The following VPS41 variants were observed in gnomAD, a reference collection of about 807,000 sequenced individuals.
VPS41 encodes the protein vacuolar protein sorting-associated protein 41 homolog.
A neutral mutation model predicts 130.9 loss-of-function variants in VPS41; 85 were observed. That is an observed-to-expected ratio of 0.65 (90% CI 0.55 to 0.78). The LOEUF (loss-of-function observed/expected upper bound fraction) is 0.78, where lower values mean the gene tolerates loss of function less well. VPS41 is among the 30% of genes least tolerant of loss of function. The pLI is 0.00. For synonymous variants in VPS41, 335 were observed against 332.9 expected, an observed-to-expected ratio of 1.01 and a Z score of -0.07; for missense variants, 874 against 1,018.7, an observed-to-expected ratio of 0.86 and a Z score of 1.93.
chr7:38,778,261 T>C (rs1228326227), intron 10 of VPS41, among the ~76,000 whole-genome samples: 2 of 152,166 alleles, frequency 1.3e-5, no homozygotes, highest in Non-Finnish European at 2.9e-5. Context: ...AGAATAGTTT[T>C]GGTAAAGTGG....
intron 2 of VPS41, among the ~76,000 whole-genome samples, chr7:38,893,611 T>G (rs1285490867): frequency 6.6e-6 from 1 of 152,192 alleles, no homozygotes; most frequent in Non-Finnish European, 1.5e-5. Flanking sequence ...TTTCAAAACA[T>G]CCACGCTGGA....
chr7:38,727,034 A>T (rs779741897), intron 27 of VPS41, 46 bp from the exon 28 acceptor site: 2 of 1,454,612 alleles, frequency 1.4e-6, no homozygotes, highest in Non-Finnish European at 9.1e-7. Flanking sequence ...TGCAACAAGC[A>T]AGATCATTTT....
At chr7:38,798,767 A>G (rs1388824874) in intron 7 of VPS41, among the ~76,000 whole-genome samples, 1 of 152,168 alleles carries the variant, frequency 6.6e-6, no homozygotes, top group Non-Finnish European at 1.5e-5. Flanking sequence ...GGGACACAGC[A>G]TCGAATTCCT....
intron 13 of VPS41, 105 bp downstream of exon 13, chr7:38,772,417 A>C: frequency 1.3e-6 from 1 of 766,520 alleles, no homozygotes; most frequent in South Asian, 2.4e-5. Context: ...TTGGCTTGGG[A>C]AACTCTACTT....
At chr7:38,770,421 G>C (rs1784133736) in intron 14 of VPS41, among the ~76,000 whole-genome samples, 2 of 149,936 alleles carry the variant, frequency 1.3e-5, no homozygotes. Context: ...CCACAATTTT[G>C]GCTGGATTTT....
At chr7:38,883,094 T>A (rs1480468060) in intron 2 of VPS41, among the ~76,000 whole-genome samples, 4 of 151,968 alleles carry the variant, frequency 2.6e-5, no homozygotes, top group Non-Finnish European at 4.4e-5. Flanking sequence ...AATACAAAAA[T>A]TAGCTAGGCA....
intron 22 of VPS41, among the ~76,000 whole-genome samples, chr7:38,749,844 A>C (rs1796057785): frequency 6.6e-6 from 1 of 152,184 alleles, no homozygotes; most frequent in African/African-American, 2.4e-5. Flanking sequence ...GACTGAGTAT[A>C]TACAGAATTC....
rs183802590 is a variant in VPS41, at chr7:38,890,303, T to A, written c.60+7788A>T. On this transcript the variant is annotated intron_variant, in intron 2 of 28. Transcript: ENST00000310301. ...TTTCCAAAGGTTACGCTCTATATGG[T>A]TCTATGCATATAGTATGTATAAAAC... 6.6e-5 allele frequency among the ~76,000 whole-genome samples: 10 copies of A among 152,342 alleles called. No homozygotes were observed. The East Asian group carries it at 1.9e-3, about 29-fold the overall frequency.
chr7:38,833,448 C>T (rs1045542526), intron 4 of VPS41, among the ~76,000 whole-genome samples: 7 of 152,168 alleles, frequency 4.6e-5, no homozygotes, highest in African/African-American at 1.4e-4. Context: ...CTGACCTCAT[C>T]CCCTCTTCCC....
intron 4 of VPS41, among the ~76,000 whole-genome samples, chr7:38,841,006 G>A (rs1785597856): frequency 6.6e-6 from 1 of 152,208 alleles, no homozygotes; most frequent in African/African-American, 2.4e-5. Context: ...TGTGTTGGCA[G>A]CAACTCATCT....
chr7:38,769,530 T>C (rs1301034770), intron 14 of VPS41, among the ~76,000 whole-genome samples: 1 of 152,120 alleles, frequency 6.6e-6, no homozygotes, highest in East Asian at 1.9e-4. Flanking sequence ...AAAACTAATG[T>C]GTTTAAAATA....
chr7:38,839,586 G>A (rs1016309019), intron 4 of VPS41, among the ~76,000 whole-genome samples: 3 of 151,726 alleles, frequency 2.0e-5, no homozygotes, highest in Non-Finnish European at 4.4e-5. Flanking sequence ...GCACCACCAC[G>A]TCCAGCTAAT....
chr7:38,758,632 C>T, intron 17 of VPS41, 151 bp from the exon 18 acceptor site: 1 of 808,132 alleles, frequency 1.2e-6, no homozygotes, highest in Non-Finnish European at 1.9e-6. Context: ...TTCTTGTATG[C>T]TAATGAGCTG....
At chr7:38,758,110 C>T (rs866950875) in intron 18 of VPS41, among the ~76,000 whole-genome samples, 1 of 152,100 alleles carries the variant, frequency 6.6e-6, no homozygotes, top group Non-Finnish European at 1.5e-5. Context: ...CTAACCACTG[C>T]CTCTCCCAAG....
chr7:38,907,353 G>A (rs1472309777), intron 1 of VPS41, among the ~76,000 whole-genome samples: 1 of 152,212 alleles, frequency 6.6e-6, no homozygotes, highest in Non-Finnish European at 1.5e-5. Context: ...AGAAGGGAAG[G>A]AGAGTAGTGG....
At position 38,874,858 on chromosome 7, in the gene VPS41, G is replaced by T. The variant is rs186965389; in HGVS notation, c.61-5605C>A. Among the ~76,000 whole-genome samples the T allele has an allele frequency of 1.4e-3, 214 of 152,182 alleles. 5 individuals are homozygous for T. Among genetic ancestry groups the T allele is most frequent in the Admixed American group, 0.014 (210 of 15,284 alleles). ...GGAATTGAAATATCCAAAATTAGTA[G>T]TGGACCTTACAAGCTTAACATATAA... On this transcript the variant is annotated intron_variant, in intron 2 of 28. Coordinates refer to ENST00000310301, the MANE Select transcript of VPS41 (RefSeq NM_014396.4).
At chr7:38,848,547 T>G (rs1455638113) in intron 4 of VPS41, among the ~76,000 whole-genome samples, 1 of 152,246 alleles carries the variant, frequency 6.6e-6, no homozygotes, top group Non-Finnish European at 1.5e-5. Flanking sequence ...ACTCTTAGCT[T>G]GATCCACCTT....
At chr7:38,834,408 A>G (rs991177119) in intron 4 of VPS41, among the ~76,000 whole-genome samples, 1 of 152,218 alleles carries the variant, frequency 6.6e-6, no homozygotes, top group African/African-American at 2.4e-5. Context: ...CTCATTCCTG[A>G]CAAGTATTGT....
intron 16 of VPS41, among the ~76,000 whole-genome samples, chr7:38,764,389 G>A (rs1007913664): frequency 2.0e-5 from 3 of 152,212 alleles, no homozygotes; most frequent in Non-Finnish European, 4.4e-5. Flanking sequence ...CTGAAGGGAG[G>A]TGAGGCTGGA....
Sources: allele counts gnomAD v4.1 joint callset (sites outside exome capture counted in the v4.1 genomes callset), GRCh38; gene constraint gnomAD v4.1.1; transcripts MANE v1.5; gene names NCBI Gene and HGNC (gene_info 2026-07-23, HGNC 2026-07-21).